DOCK9: variants seen among roughly 807,000 people sequenced by gnomAD.
DOCK9 encodes the protein dedicator of cytokinesis 9, also known as dedicator of cytokinesis protein 9.
A neutral mutation model predicts 263.3 loss-of-function variants in DOCK9; 89 were observed. That is an observed-to-expected ratio of 0.34 (90% confidence interval 0.28 to 0.40). The LOEUF (loss-of-function observed/expected upper bound fraction) is 0.40, where lower values mean the gene tolerates loss of function less well. Ranked by LOEUF, DOCK9 falls within the 10% of genes least tolerant of loss-of-function variation. The pLI is 1.00. For synonymous variants in DOCK9, 976 were observed against 973.1 expected (o/e 1.00, Z -0.06); for missense variants, 2,140 against 2,603.4 (o/e 0.82, Z 3.87).
intron 27 of DOCK9, among the ~76,000 whole-genome samples, chr13:98,874,143 C>T (rs1411986994): frequency 6.6e-6 from 1 of 152,212 alleles, no homozygotes; most frequent in African/African-American, 2.4e-5. Context: ...TCTGTTGTCC[C>T]CATCCCCACC....
intron 45 of DOCK9, among the ~76,000 whole-genome samples, chr13:98,820,390 G>T (rs1202670797): frequency 6.6e-6 from 1 of 152,130 alleles, no homozygotes; most frequent in Non-Finnish European, 1.5e-5. Flanking sequence ...ACCAAAAGGG[G>T]GCCTGTTCAT....
intron 52 of DOCK9, 50 bp downstream of exon 52, chr13:98,797,065 G>GA (rs778168765): frequency 1.2e-6 from 2 of 1,610,714 alleles, no homozygotes; most frequent in Middle Eastern, 1.7e-4. Context: ...GGGTGTACTT[G>GA]AAACCCCTAA....
chr13:99,011,032 G>C (rs1566293340), intron 1 of DOCK9, among the ~76,000 whole-genome samples: 1 of 152,100 alleles, frequency 6.6e-6, no homozygotes, highest in Non-Finnish European at 1.5e-5. Flanking sequence ...TGAGTAGCTG[G>C]GATTACAGGC....
At chr13:98,841,136 T>C (rs543172929) in intron 38 of DOCK9, among the ~76,000 whole-genome samples, 1 of 152,350 alleles carries the variant, frequency 6.6e-6, no homozygotes, top group Admixed American at 6.5e-5. Context: ...AGGTAAAATT[T>C]ATATCATTTG....
At chr13:98,999,014 G>C (rs1411339468) in intron 1 of DOCK9, among the ~76,000 whole-genome samples, 3 of 152,108 alleles carry the variant, frequency 2.0e-5, no homozygotes, top group Non-Finnish European at 4.4e-5. Flanking sequence ...CCTAACCACA[G>C]ATAACAGGGT....
At chr13:98,905,797 T>C (rs2049001816) in intron 9 of DOCK9, among the ~76,000 whole-genome samples, 1 of 148,224 alleles carries the variant, frequency 6.7e-6, no homozygotes, top group Non-Finnish European at 1.5e-5. Context: ...AAAAAAAGGA[T>C]TGGGGATTTC....
intron 2 of DOCK9, among the ~76,000 whole-genome samples, chr13:98,946,821 C>T (rs1178475103): frequency 6.6e-6 from 1 of 152,172 alleles, no homozygotes; most frequent in African/African-American, 2.4e-5. Flanking sequence ...AACTCCACAG[C>T]CCTTTCCTGG....
chr13:98,796,168 C>G (rs370354661), intron 52 of DOCK9: 2 of 1,500,206 alleles, frequency 1.3e-6, no homozygotes, highest in Non-Finnish European at 1.8e-6. Flanking sequence ...TTTTCTAAGT[C>G]AGATTATCAG....
chr13:98,993,465 A>C (rs556937839), intron 1 of DOCK9, among the ~76,000 whole-genome samples: 2 of 152,372 alleles, frequency 1.3e-5, no homozygotes, highest in African/African-American at 4.8e-5. Flanking sequence ...GAGAGTGTCT[A>C]TTATTTTAGG....
At chr13:98,821,182 T>C (rs1594339765) in intron 45 of DOCK9, among the ~76,000 whole-genome samples, 1 of 152,280 alleles carries the variant, frequency 6.6e-6, no homozygotes, top group South Asian at 2.1e-4. Flanking sequence ...AAGCAGACAC[T>C]GCAGGACTCG....
At chr13:99,056,993 T>A (rs943904277) in intron 1 of DOCK9, among the ~76,000 whole-genome samples, 4 of 152,198 alleles carry the variant, frequency 2.6e-5, no homozygotes, top group South Asian at 2.1e-4. Context: ...GACCAGTTTC[T>A]TGCCAAGTAG....
intron 1 of DOCK9, among the ~76,000 whole-genome samples, chr13:99,079,891 T>G (rs1267136762): frequency 6.6e-6 from 1 of 151,962 alleles, no homozygotes; most frequent in Non-Finnish European, 1.5e-5. Flanking sequence ...ATTACAAAAA[T>G]TAGCCGGGTG....
At position 98,897,523 on chromosome 13, in the gene DOCK9, A is replaced by T. The variant is rs2047622658; in HGVS notation, c.1674T>A (p.Asn558Lys). 1 of 1,613,936 alleles carries T rather than the reference A, an allele frequency of 6.2e-7. No individual in the cohort carries two copies. The highest frequency in any genetic ancestry group is 1.3e-5 in the African/African-American group (1 of 75,062). The stretch of plus-strand genomic sequence containing the variant: ...CTGCAAGTAACTTGAGCATGTCATC[A>T]TTGGATAGCTTATTGCTGTCTTGCC... The part of the protein sequence containing the change: ...IYRQDSNKLS[N>K]DDMLKLLADF... The change falls in exon 15 of 53, where the codon AAT becomes AAA. Residue 558 changes from asparagine to lysine, a missense_variant. By Grantham distance (94) the Asn-to-Lys change is moderately conservative. Around this residue, in one of 2 missense-constraint regions of DOCK9, gnomAD observed 1,521 missense variants for 1,741.7 expected, o/e 0.87. Coordinates refer to ENST00000682017, the MANE Select transcript of DOCK9 (RefSeq NM_001366683.2).
chr13:98,840,970 G>A (rs2093188805), intron 38 of DOCK9, among the ~76,000 whole-genome samples: 1 of 152,092 alleles, frequency 6.6e-6, no homozygotes, highest in African/African-American at 2.4e-5. Context: ...TTAACTCATG[G>A]CATATGGTTT....
intron 2 of DOCK9, among the ~76,000 whole-genome samples, chr13:98,930,952 C>T (rs1473402860): frequency 6.6e-6 from 1 of 151,864 alleles, no homozygotes; most frequent in Non-Finnish European, 1.5e-5. Context: ...CCATTTTGAA[C>T]ATTTTTAAGT....
chr13:98,944,382 GAAAA>G (rs59677048), intron 2 of DOCK9, among the ~76,000 whole-genome samples: 3 of 73,176 alleles, frequency 4.1e-5, no homozygotes, highest in Non-Finnish European at 7.7e-5. Flanking sequence ...CACTATATGA[GAAAA>G]AAAAAAAAAA....
chr13:98,987,119 C>G (rs142309702), intron 1 of DOCK9, among the ~76,000 whole-genome samples: 183 of 152,218 alleles, frequency 1.2e-3, no homozygotes, highest in Non-Finnish European at 2.2e-3. Flanking sequence ...GTTACATTTC[C>G]AAATAACTTT....
chr13:98,882,681 G>A (rs1250921042), intron 23 of DOCK9, among the ~76,000 whole-genome samples: 1 of 152,164 alleles, frequency 6.6e-6, no homozygotes, highest in Non-Finnish European at 1.5e-5. Context: ...CAAGTTTATA[G>A]TATCTCCTAC....
chr13:98,975,318 T>C (rs1355112970), intron 1 of DOCK9, among the ~76,000 whole-genome samples: 1 of 149,912 alleles, frequency 6.7e-6, no homozygotes, highest in Non-Finnish European at 1.5e-5. Context: ...GCCGAGATCG[T>C]ACCACTGCAC....
Sources: gnomAD v4.1 joint callset for allele counts (sites outside exome capture counted in the v4.1 genomes callset) on GRCh38, gnomAD v4.1.1 for gene constraint, gnomAD v4.1.1 regional missense constraint, MANE v1.5 for transcripts, NCBI Gene and HGNC (gene_info 2026-07-23, HGNC 2026-07-21) for gene names.